Variants in UBR1 observed in about 807,000 individuals in gnomAD.
UBR1 encodes the protein E3 ubiquitin-protein ligase UBR1.
UBR1 carries 102 observed loss-of-function variants against 242.1 expected under a neutral mutation model. The observed-to-expected ratio is 0.42, with a 90% CI of 0.36 to 0.50. The LOEUF (loss-of-function observed/expected upper bound fraction) is 0.50. Ranked by LOEUF, UBR1 falls within the 20% of genes least tolerant of loss-of-function variation. UBR1 has a pLI of 0.01. For synonymous variants in UBR1, 675 were observed against 684.8 expected (o/e 0.99, Z 0.22); for missense variants, 1,772 against 2,101.8 (o/e 0.84, Z 3.07).
chr15:42,978,367 C>A (rs1484158432), intron 37 of UBR1, among the ~76,000 whole-genome samples: 1 of 152,064 alleles, frequency 6.6e-6, no homozygotes, highest in African/African-American at 2.4e-5. Context: ...ACATGCAAAA[C>A]AGAGTAGGTA....
At chr15:42,985,513 A>G (rs566228673) in intron 35 of UBR1, among the ~76,000 whole-genome samples, 51 of 152,034 alleles carry the variant, frequency 3.4e-4, no homozygotes, top group African/African-American at 1.2e-3. Flanking sequence ...CCACTACGCC[A>G]GCTAAATTTT....
intron 33 of UBR1, among the ~76,000 whole-genome samples, chr15:42,992,388 TAAA>T (rs2032569865): frequency 6.6e-6 from 1 of 152,228 alleles, no homozygotes; most frequent in Non-Finnish European, 1.5e-5. Flanking sequence ...CTGGTCCTGT[TAAA>T]AACCTCTGGA....
At chr15:43,084,032 C>T (rs561583350) in intron 2 of UBR1, among the ~76,000 whole-genome samples, 5 of 152,026 alleles carry the variant, frequency 3.3e-5, no homozygotes, top group African/African-American at 1.2e-4. Flanking sequence ...GCAATAAGAG[C>T]GAAACTCTGT....
chr15:42,995,524 T>C (rs1259572960), intron 33 of UBR1, among the ~76,000 whole-genome samples: 3 of 150,848 alleles, frequency 2.0e-5, no homozygotes, highest in Middle Eastern at 3.5e-3. Flanking sequence ...AAAAATTAGC[T>C]GGGCGCGGTG....
At chr15:43,089,161 C>CA (rs1405616914) in intron 1 of UBR1, among the ~76,000 whole-genome samples, 3,856 of 128,362 alleles carry the variant, frequency 0.03, 150 homozygotes, top group African/African-American at 0.094. Context: ...GACTCCATTT[C>CA]AAAAAAAAAA....
intron 6 of UBR1, among the ~76,000 whole-genome samples, chr15:43,064,630 G>A (rs1470939583): frequency 2.0e-5 from 3 of 148,728 alleles, no homozygotes; most frequent in Non-Finnish European, 4.4e-5. Context: ...AGGCTGGAGT[G>A]CAGTGGTGCA....
rs774218592 is a variant in UBR1 at position 43,025,637 on chromosome 15, T to TA, written c.2536-209dup. 19 of 539,466 alleles carry TA rather than the reference T, an allele frequency of 3.5e-5. No homozygotes were observed. In the South Asian group the frequency reaches 3.6e-4, roughly 10 times the overall value. The allele number at this position is 539,466 out of a possible 1,614,324, so 33.4% of individuals were successfully genotyped here. On this transcript the variant is annotated intron_variant, in intron 23 of 46. Coordinates refer to ENST00000290650, the MANE Select transcript of UBR1 (RefSeq NM_174916.3). ...TGAGGAATATCCCTGATCAAAAACT[T>TA]AGTCTCCATTATTTTCTACTGAAAA... is the stretch of plus-strand genomic sequence containing the variant.
intron 35 of UBR1, 54 bp downstream of exon 35, chr15:42,988,765 G>A (rs1245434618): frequency 1.2e-6 from 2 of 1,606,918 alleles, no homozygotes; most frequent in Admixed American, 1.7e-5. Context: ...AAGAATGAAT[G>A]ATCAAAGTTA....
chr15:43,105,907 G>C (rs745754724), intron 1 of UBR1, 35 bp downstream of exon 1: 2 of 1,601,862 alleles, frequency 1.2e-6, no homozygotes, highest in East Asian at 2.2e-5. Flanking sequence ...AGGGACCGGG[G>C]GGAGGACAAA....
intron 2 of UBR1, among the ~76,000 whole-genome samples, chr15:43,084,719 C>A (rs2034014147): frequency 2.0e-5 from 3 of 152,180 alleles, no homozygotes; most frequent in Non-Finnish European, 4.4e-5. Context: ...TCCCAAAGTG[C>A]TGGGATTACA....
chr15:43,034,452 TA>T (rs2033303540), intron 19 of UBR1, among the ~76,000 whole-genome samples: 1 of 151,278 alleles, frequency 6.6e-6, no homozygotes, highest in African/African-American at 2.4e-5. Flanking sequence ...AAACAATTAA[TA>T]AATAAATAAA....
At chr15:43,074,025 G>T (rs1355270711) in intron 4 of UBR1, among the ~76,000 whole-genome samples, 1 of 152,136 alleles carries the variant, frequency 6.6e-6, no homozygotes, top group Non-Finnish European at 1.5e-5. Context: ...GCATTCTGGG[G>T]CAAGTACTTT....
At chr15:42,988,057 G>T (rs2032501354) in intron 35 of UBR1, among the ~76,000 whole-genome samples, 1 of 152,088 alleles carries the variant, frequency 6.6e-6, no homozygotes, top group Admixed American at 6.6e-5. Context: ...TTTAGAGCTG[G>T]TTTCTGCCTG....
intron 22 of UBR1, 138 bp from the exon 23 acceptor site, chr15:43,026,801 A>C (rs981888613): frequency 1.4e-6 from 1 of 697,828 alleles, no homozygotes; most frequent in African/African-American, 1.8e-5. Flanking sequence ...GAAAAATTCC[A>C]TTGCAATAAT....
rs746433282 is a variant in UBR1, at chr15:43,086,247, G to C, written c.82-7C>G. 6 of 1,613,334 alleles carry C rather than the reference G, an allele frequency of 3.7e-6. No homozygotes were observed. Among genetic ancestry groups the C allele is most frequent in the South Asian group, 1.1e-5 (1 of 91,066 alleles). Reference sequence around the variant, plus strand: ...CAACTTGCTGATCCCACCACTAAAAGAAAAGAAGATGAAAATTAGACTGAC... The same window carrying C: ...CAACTTGCTGATCCCACCACTAAAACAAAAGAAGATGAAAATTAGACTGAC... On this transcript the variant is annotated splice_region_variant and splice_polypyrimidine_tract_variant and intron_variant, in intron 1 of 46. Transcript: ENST00000290650.
At chr15:43,075,771 A>G (rs559612378) in intron 3 of UBR1, among the ~76,000 whole-genome samples, 3,198 of 151,486 alleles carry the variant, frequency 0.021, 133 homozygotes, top group African/African-American at 0.074. Context: ...ATGCACCACC[A>G]CGCCTGGCTA....
intron 3 of UBR1, among the ~76,000 whole-genome samples, chr15:43,076,701 C>T (rs1282119205): frequency 7.4e-6 from 1 of 135,390 alleles, no homozygotes; most frequent in African/African-American, 2.8e-5. Flanking sequence ...GGAGCCCCTC[C>T]GTCCGGCAGC....
At chr15:43,040,134 T>C (rs1352492349) in intron 15 of UBR1, among the ~76,000 whole-genome samples, 2 of 152,196 alleles carry the variant, frequency 1.3e-5, no homozygotes, top group African/African-American at 2.4e-5. Context: ...AGAGCCCGCA[T>C]TGCCAAGTCA....
chr15:42,975,068 G>T (rs2032267076), intron 39 of UBR1, among the ~76,000 whole-genome samples: 1 of 152,016 alleles, frequency 6.6e-6, no homozygotes, highest in African/African-American at 2.4e-5. Flanking sequence ...GCTAATTATT[G>T]TATTTTTAGT....
Sources: allele counts gnomAD v4.1 joint callset (sites outside exome capture counted in the v4.1 genomes callset), GRCh38; gene constraint gnomAD v4.1.1; transcripts MANE v1.5; gene names NCBI Gene and HGNC (gene_info 2026-07-23, HGNC 2026-07-21).